LIMK2: variants seen among roughly 807,000 people sequenced by gnomAD.
The protein encoded by LIMK2 is LIM domain kinase 2.
In LIMK2, 35 loss-of-function variants were observed where a neutral mutation model predicts 75.7. The ratio of observed to expected loss-of-function variants is 0.46; its 90% CI spans 0.35 to 0.61. The LOEUF (loss-of-function observed/expected upper bound fraction) is 0.61. Ranked by LOEUF, LIMK2 falls within the 20% of genes least tolerant of loss-of-function variation. The pLI is 0.00. For missense variants in LIMK2, 623 were observed against 831.0 expected (o/e 0.75, Z 3.08); for synonymous variants, 301 against 319.2 (o/e 0.94, Z 0.61).
chr22:31,276,978 G>A (rs1379683579), intron 15 of LIMK2: 1 of 1,613,994 alleles, frequency 6.2e-7, no homozygotes, highest in South Asian at 1.1e-5. Flanking sequence ...CAGAACTAGA[G>A]ATTGACGTGG....
rs182487652 is a variant in LIMK2 at position 31,265,257 on chromosome 22, T to C, written c.855-689T>C. Reference sequence around the variant, plus strand: ...GGCGTGCACCTATACTCCCAGCTACTTGGGAGGCTGAGGCAGGAGAATCGC... The same window carrying C: ...GGCGTGCACCTATACTCCCAGCTACCTGGGAGGCTGAGGCAGGAGAATCGC... On this transcript the variant is annotated intron_variant, in intron 7 of 15. Coordinates refer to ENST00000331728, the MANE Select transcript of LIMK2 (RefSeq NM_005569.4). 6.0e-5 allele frequency among the ~76,000 whole-genome samples: 9 copies of C among 149,808 alleles called. No individual in the cohort carries two copies. The East Asian group carries it at 1.8e-3, about 30-fold the overall frequency.
At chr22:31,227,586 T>C (rs1157601148) in intron 2 of LIMK2, among the ~76,000 whole-genome samples, 3 of 152,220 alleles carry the variant, frequency 2.0e-5, no homozygotes, top group Non-Finnish European at 4.4e-5. Flanking sequence ...TTCCATTTAG[T>C]ATGACAGGAG....
chr22:31,259,076 ACTTC>A (rs1375570899), intron 3 of LIMK2, 41 bp from the exon 4 acceptor site: 2 of 1,155,640 alleles, frequency 1.7e-6, no homozygotes, highest in Non-Finnish European at 1.3e-6. Flanking sequence ...GTGATAACTC[ACTTC>A]CTTCCTCCCT....
intron 2 of LIMK2, among the ~76,000 whole-genome samples, chr22:31,248,931 C>A (rs1269056222): frequency 6.6e-6 from 1 of 152,060 alleles, no homozygotes; most frequent in African/African-American, 2.4e-5. Flanking sequence ...TTGTGAGGTA[C>A]CCCCATTATG....
chr22:31,213,684 C>T (rs1272294411), intron 1 of LIMK2, among the ~76,000 whole-genome samples: 1 of 152,050 alleles, frequency 6.6e-6, no homozygotes, highest in African/African-American at 2.4e-5. Context: ...GCAGGAGGAT[C>T]GCTTGAGTCC....
chr22:31,276,302 A>G (rs1351640358), intron 15 of LIMK2, among the ~76,000 whole-genome samples: 1 of 152,144 alleles, frequency 6.6e-6, no homozygotes, highest in Non-Finnish European at 1.5e-5. Flanking sequence ...AAACATTACC[A>G]AAGTTTATAG....
chr22:31,262,518 C>T lies in LIMK2; in HGVS notation c.658-77C>T. ...CAAGTTGAGCACTGGCCACACTGTG[C>T]CTGAGTCATCTGGGTTGGCCATGGG... is the stretch of plus-strand genomic sequence containing the variant. On this transcript the variant is annotated intron_variant, in intron 6 of 15. Coordinates refer to ENST00000331728, the MANE Select transcript of LIMK2 (RefSeq NM_005569.4). This position sits in a 1 kb window ranked among gnomAD's most constrained non-coding sequence, Gnocchi z 5.0. 1 of 1,403,294 alleles carries T rather than the reference C, an allele frequency of 7.1e-7. No homozygotes were observed. 86.9% of individuals were successfully genotyped at this position (1,403,294 alleles called of 1,614,324 possible). A position where few individuals can be genotyped will look rare whatever the true frequency, so the allele number is the denominator to read the frequency against.
intron 1 of LIMK2, among the ~76,000 whole-genome samples, chr22:31,223,655 AC>A (rs1212970362): frequency 6.6e-6 from 1 of 152,108 alleles, no homozygotes; most frequent in Non-Finnish European, 1.5e-5. Flanking sequence ...ACTGTCCGTA[AC>A]CCAACCTGGG....
intron 2 of LIMK2, among the ~76,000 whole-genome samples, chr22:31,250,060 A>G (rs1285538194): frequency 2.0e-5 from 3 of 152,038 alleles, no homozygotes; most frequent in Admixed American, 1.3e-4. Context: ...TTCTTCTCCT[A>G]GTGGAGAGGA....
chr22:31,243,106 G>A (rs2048636977), intron 2 of LIMK2, among the ~76,000 whole-genome samples: 1 of 152,198 alleles, frequency 6.6e-6, no homozygotes, highest in Non-Finnish European at 1.5e-5. Context: ...ATTTTTAGCA[G>A]AGATGGAGTT....
intron 2 of LIMK2, among the ~76,000 whole-genome samples, chr22:31,245,524 A>T (rs1426436701): frequency 6.6e-6 from 1 of 152,072 alleles, no homozygotes; most frequent in Non-Finnish European, 1.5e-5. Flanking sequence ...CTAGTCTCGA[A>T]CTTCCAACCT....
intron 2 of LIMK2, among the ~76,000 whole-genome samples, chr22:31,245,699 C>T (rs889703049): frequency 2.6e-5 from 4 of 151,894 alleles, no homozygotes; most frequent in Non-Finnish European, 5.9e-5. Flanking sequence ...CTTGGCCTCT[C>T]GAATGCTGGG....
rs1311105458 is a variant in LIMK2 at position 31,228,952 on chromosome 22, CAAAA to C, written c.116+3134_116+3137del. On this transcript the variant is annotated intron_variant, in intron 2 of 15. Transcript: ENST00000331728. The stretch of plus-strand genomic sequence containing the variant: ...ACAGAGTGAAACCCCTGTCTCAAAA[CAAAA>C]CAAATGAAAAAAAAAACCCTTAATA... 3.9e-5 allele frequency among the ~76,000 whole-genome samples: 5 copies of C among 127,730 alleles called. No homozygotes were observed. In the South Asian group the frequency reaches 7.3e-4, roughly 19 times the overall value. The allele number at this position is 127,730 out of a possible 152,430, so 83.8% of individuals were successfully genotyped here.
chr22:31,274,942 A>G (rs1249269035), intron 14 of LIMK2, among the ~76,000 whole-genome samples: 1 of 152,120 alleles, frequency 6.6e-6, no homozygotes, highest in Admixed American at 6.5e-5. Flanking sequence ...GCCCCTTCTT[A>G]GTCCTCTTCA....
At chr22:31,245,238 T>C (rs1459036456) in intron 2 of LIMK2, among the ~76,000 whole-genome samples, 2 of 152,156 alleles carry the variant, frequency 1.3e-5, no homozygotes, top group African/African-American at 2.4e-5. Flanking sequence ...AGCTCTGTGG[T>C]TCTAGAACAG....
At chr22:31,277,519 C>T (rs148284356) in intron 15 of LIMK2, 9 of 1,023,248 alleles carry the variant, frequency 8.8e-6, no homozygotes, top group Non-Finnish European at 1.1e-5. Context: ...GACCGCAGTC[C>T]TTCAGTAACA....
intron 2 of LIMK2, among the ~76,000 whole-genome samples, chr22:31,239,455 T>C (rs1384804045): frequency 6.6e-6 from 1 of 152,202 alleles, no homozygotes; most frequent in African/African-American, 2.4e-5. Context: ...TACCATACTC[T>C]TTATGCCTCA....
At chr22:31,234,645 T>C (rs898869947) in intron 2 of LIMK2, among the ~76,000 whole-genome samples, 8 of 139,244 alleles carry the variant, frequency 5.7e-5, no homozygotes, top group Admixed American at 3.3e-4. Context: ...CACTTGAACC[T>C]GGGAGGCAGA....
chr22:31,218,062 T>G (rs1335519336), intron 1 of LIMK2, among the ~76,000 whole-genome samples: 1 of 152,204 alleles, frequency 6.6e-6, no homozygotes, highest in Non-Finnish European at 1.5e-5. Context: ...CCAGCCAACT[T>G]CCTAGATACA....
Sources: gnomAD v4.1 joint callset for allele counts (sites outside exome capture counted in the v4.1 genomes callset) on GRCh38, gnomAD v4.1.1 for gene constraint, Gnocchi (gnomAD v3.1) non-coding constraint, MANE v1.5 for transcripts, NCBI Gene and HGNC (gene_info 2026-07-23, HGNC 2026-07-21) for gene names.